The following MAST2 variants were observed in gnomAD, a reference collection of about 807,000 sequenced individuals.
The protein encoded by MAST2 is microtubule associated serine/threonine kinase 2.
MAST2 carries 70 observed loss-of-function variants against 147.4 expected under a neutral mutation model. The observed-to-expected ratio is 0.47, with a 90% CI of 0.39 to 0.58. The LOEUF (loss-of-function observed/expected upper bound fraction) is 0.58, where lower values mean the gene tolerates loss of function less well. MAST2 is among the 20% of genes least tolerant of loss of function. The pLI, the probability that MAST2 is intolerant of heterozygous loss-of-function variation, is 0.00. For missense variants in MAST2, 2,080 were observed against 2,302.3 expected, an observed-to-expected ratio of 0.90 and a Z score of 1.98; for synonymous variants, 869 against 896.8, an observed-to-expected ratio of 0.97 and a Z score of 0.55.
Position 46,032,385 on chromosome 1 carries a change from C to T in MAST2, c.3395C>T (p.Thr1132Ile). Residue 1132 changes from threonine to isoleucine, a missense_variant, in exon 25 of 29, where the codon ACC becomes ATC. By Grantham distance (89) the Thr-to-Ile change is moderately conservative. Coordinates refer to ENST00000361297, the MANE Select transcript of MAST2 (RefSeq NM_015112.3). Reference sequence around the variant, plus strand: ...TACATGGGTGACTCCGATGTCTACACCGTGCACCATATGGTGTGGGTATGT... The same window carrying T: ...TACATGGGTGACTCCGATGTCTACATCGTGCACCATATGGTGTGGGTATGT... ...RVYMGDSDVY[T>I]VHHMVWHVED... 6.2e-7 allele frequency: 1 copy of T among 1,614,206 alleles called. No individual in the cohort carries two copies. Among genetic ancestry groups the T allele is most frequent in the South Asian group, 1.1e-5 (1 of 91,082 alleles).
intron 27 of MAST2, 46 bp downstream of exon 27, chr1:46,033,984 G>A (rs1646788189): frequency 6.2e-7 from 1 of 1,610,486 alleles, no homozygotes; most frequent in African/African-American, 1.3e-5. Flanking sequence ...CCACATGAGT[G>A]CTGGTACGTG....
chr1:45,913,632 G>C, intron 4 of MAST2: 1 of 1,003,128 alleles, frequency 1.0e-6, no homozygotes, highest in Non-Finnish European at 1.2e-6. Flanking sequence ...CTGCTGCCTC[G>C]TGGGCTCTTA....
At chr1:45,838,645 A>G (rs1394183048) in intron 3 of MAST2, among the ~76,000 whole-genome samples, 1 of 152,174 alleles carries the variant, frequency 6.6e-6, no homozygotes, top group Non-Finnish European at 1.5e-5. Context: ...AATACAAGTT[A>G]TATATCAAAT....
intron 3 of MAST2, among the ~76,000 whole-genome samples, chr1:45,839,484 G>T (rs555489546): frequency 9.9e-5 from 15 of 152,048 alleles, no homozygotes; most frequent in Non-Finnish European, 2.2e-4. Flanking sequence ...TGTTGCCCAG[G>T]CTGGTCTTGG....
chr1:45,962,093 C>T (rs1221856272), intron 5 of MAST2, among the ~76,000 whole-genome samples: 1 of 152,186 alleles, frequency 6.6e-6, no homozygotes. Context: ...CTACAAAGGA[C>T]ATGAACTCAT....
At chr1:45,852,918 C>CT (rs199989085) in intron 3 of MAST2, among the ~76,000 whole-genome samples, 13 of 151,170 alleles carry the variant, frequency 8.6e-5, no homozygotes, top group South Asian at 2.1e-4. Context: ...AAGCTATTAA[C>CT]TTTTTTTTTA....
chr1:46,008,316 C>A lies in MAST2; in HGVS notation c.923C>A (p.Ser308Tyr). 1 of 1,611,868 alleles carries A rather than the reference C, an allele frequency of 6.2e-7. No individual in the cohort carries two copies. The highest frequency in any genetic ancestry group is 8.5e-7 in the Non-Finnish European group (1 of 1,178,036). The change falls in exon 9 of 29, where the codon TCC becomes TAC. Residue 308 changes from serine to tyrosine, a missense_variant. By Grantham distance (144) the Ser-to-Tyr change is moderately radical (BLOSUM62 -2). This residue lies in a region of MAST2 where 569 missense variants were observed against 642.5 expected (regional missense o/e 0.89). Coordinates refer to ENST00000361297, the MANE Select transcript of MAST2 (RefSeq NM_015112.3). ...TTTAGTCCCGGACGATCCCCAGTAT[C>A]CTTTGACAGTGAAATAATAATGATG... Reference protein sequence around the residue: ...RSLSPGRSPVSFDSEIIMMNH... With the variant: ...RSLSPGRSPVYFDSEIIMMNH...
intron 3 of MAST2, among the ~76,000 whole-genome samples, chr1:45,838,574 T>G (rs939894057): frequency 1.3e-5 from 2 of 152,154 alleles, no homozygotes; most frequent in African/African-American, 4.8e-5. Context: ...TCAAAACTTT[T>G]GTCTATTTAA....
At chr1:45,896,484 C>T (rs1306201942) in intron 4 of MAST2, among the ~76,000 whole-genome samples, 2 of 152,168 alleles carry the variant, frequency 1.3e-5, no homozygotes, top group Admixed American at 1.3e-4. Context: ...GTGCAGCCAT[C>T]CTGAAGCTCA....
chr1:45,954,573 A>G (rs542165167), intron 4 of MAST2, among the ~76,000 whole-genome samples: 2 of 152,074 alleles, frequency 1.3e-5, no homozygotes, highest in Non-Finnish European at 2.9e-5. Context: ...AGTGTACCCA[A>G]CTCTGCAGAT....
At chr1:45,944,119 A>G (rs1169306066) in intron 4 of MAST2, among the ~76,000 whole-genome samples, 2 of 152,206 alleles carry the variant, frequency 1.3e-5, no homozygotes, top group African/African-American at 4.8e-5. Context: ...ACATGCCACT[A>G]TAGCTTGGAT....
chr1:45,890,591 T>A (rs898119126), intron 4 of MAST2, among the ~76,000 whole-genome samples: 1 of 152,216 alleles, frequency 6.6e-6, no homozygotes, highest in Admixed American at 6.5e-5. Context: ...CCCTATGACC[T>A]CATTTAACCT....
chr1:45,921,719 G>A (rs1409170759), intron 4 of MAST2, among the ~76,000 whole-genome samples: 2 of 152,200 alleles, frequency 1.3e-5, no homozygotes, highest in African/African-American at 4.8e-5. Context: ...AGGCCCCAAA[G>A]CAGGAGTCAC....
At chr1:45,983,851 G>A (rs1001028570) in intron 5 of MAST2, among the ~76,000 whole-genome samples, 6 of 152,166 alleles carry the variant, frequency 3.9e-5, no homozygotes, top group Non-Finnish European at 8.8e-5. Flanking sequence ...GGAGATTTGG[G>A]ATAAGGGGCA....
chr1:45,858,839 C>T (rs1355046820), intron 3 of MAST2, among the ~76,000 whole-genome samples: 1 of 151,944 alleles, frequency 6.6e-6, no homozygotes, highest in Admixed American at 6.6e-5. Flanking sequence ...TATGGCTAGC[C>T]AGTTTTCCCA....
intron 3 of MAST2, among the ~76,000 whole-genome samples, chr1:45,865,415 A>G (rs968965667): frequency 2.6e-5 from 4 of 152,230 alleles, no homozygotes; most frequent in Non-Finnish European, 5.9e-5. Flanking sequence ...AGCCTAATTT[A>G]GAACATTAGA....
intron 3 of MAST2, among the ~76,000 whole-genome samples, chr1:45,867,555 C>T (rs1399805798): frequency 6.6e-6 from 1 of 151,600 alleles, no homozygotes; most frequent in East Asian, 2.0e-4. Flanking sequence ...TTTCTGTACT[C>T]CACTGGTATA....
At chr1:45,954,280 G>C (rs1288227346) in intron 4 of MAST2, among the ~76,000 whole-genome samples, 1 of 152,130 alleles carries the variant, frequency 6.6e-6, no homozygotes, top group African/African-American at 2.4e-5. Context: ...GCAGGGGTCA[G>C]ATTTTCCGAG....
At chr1:46,026,046 G>A (rs1286824449) in intron 16 of MAST2, among the ~76,000 whole-genome samples, 1 of 152,190 alleles carries the variant, frequency 6.6e-6, no homozygotes, top group East Asian at 1.9e-4. Context: ...AAGAGTCATT[G>A]AGGAGCCCCA....
Sources: gnomAD v4.1 joint callset for allele counts (sites outside exome capture counted in the v4.1 genomes callset) on GRCh38, gnomAD v4.1.1 for gene constraint, gnomAD v4.1.1 regional missense constraint, MANE v1.5 for transcripts, NCBI Gene and HGNC (gene_info 2026-07-23, HGNC 2026-07-21) for gene names.